The following RANBP2 variants were observed in gnomAD, a reference collection of about 807,000 sequenced individuals.
RANBP2 encodes the protein E3 SUMO-protein ligase RanBP2.
A neutral mutation model predicts 303.6 loss-of-function variants in RANBP2; 57 were observed. The observed-to-expected ratio is 0.19, with a 90% CI of 0.15 to 0.23. The LOEUF is 0.23. Among genes scored for constraint, RANBP2 ranks in the 10% least tolerant of loss-of-function variants. The probability of loss-of-function intolerance (pLI) is 1.00; values close to 1 mark genes in which losing one functional copy is unlikely to be tolerated. For missense variants in RANBP2, 3,138 were observed against 3,780.8 expected (o/e 0.83, Z 4.46); for synonymous variants, 1,167 against 1,301.5 (o/e 0.90, Z 2.23).
the RANBP2 span, among the ~76,000 whole-genome samples, chr2:109,347,100 A>G: frequency 1.6e-4 from 25 of 152,126 alleles, no homozygotes; most frequent in Non-Finnish European, 3.1e-4. Context: ...CTCAGCTTCA[A>G]CCCCTGGAGC....
chr2:109,490,904 C>T, the RANBP2 span: 185 of 1,515,950 alleles, frequency 1.2e-4, no homozygotes, highest in Middle Eastern at 3.4e-4. Flanking sequence ...TGGCTGCCAT[C>T]CGCCCCGAGC....
chr2:108,786,924 G>T (rs1439285389), downstream of RANBP2: 3 of 1,509,844 alleles, frequency 2.0e-6, no homozygotes, highest in Non-Finnish European at 2.7e-6. Context: ...AGGTGAAGCC[G>T]CCGCCTGAGG....
the RANBP2 span, among the ~76,000 whole-genome samples, chr2:109,291,624 T>C: frequency 1.3e-5 from 2 of 152,178 alleles, no homozygotes; most frequent in East Asian, 1.9e-4. Flanking sequence ...GGTGGGGAAA[T>C]GTGTGGAGGA....
the RANBP2 span, among the ~76,000 whole-genome samples, chr2:109,767,413 C>A: frequency 1.4e-5 from 2 of 140,056 alleles, no homozygotes; most frequent in African/African-American, 5.2e-5. Context: ...ATTACATAAT[C>A]TTTTATGTTT....
chr2:109,358,762 T>G, the RANBP2 span, among the ~76,000 whole-genome samples: 1 of 152,254 alleles, frequency 6.6e-6, no homozygotes, highest in East Asian at 1.9e-4. Flanking sequence ...CAGTATCTTT[T>G]GCAGAGTACA....
At chr2:108,906,799 G>A in the RANBP2 span, among the ~76,000 whole-genome samples, 2 of 152,168 alleles carry the variant, frequency 1.3e-5, no homozygotes, top group African/African-American at 4.8e-5. Context: ...GAAGAGTCCC[G>A]GGGCCATGGC....
chr2:109,248,483 G>T, the RANBP2 span, among the ~76,000 whole-genome samples: 2 of 152,196 alleles, frequency 1.3e-5, no homozygotes, highest in Non-Finnish European at 2.9e-5. Context: ...AGTCATTTAT[G>T]CAGGCCTGCT....
chr2:109,585,213 G>A, the RANBP2 span: 3 of 1,612,708 alleles, frequency 1.9e-6, no homozygotes, highest in African/African-American at 2.7e-5. Context: ...GAGTTCATAT[G>A]TCTGAGCTTT....
the RANBP2 span, among the ~76,000 whole-genome samples, chr2:109,298,675 C>T: frequency 1.3e-3 from 191 of 152,226 alleles, no homozygotes; most frequent in Non-Finnish European, 2.3e-3. Flanking sequence ...GCCAGGCCTT[C>T]CCTGGCTCCT....
At position 108,762,188 on chromosome 2, in the gene RANBP2, C is replaced by T. The variant is rs1186314536; in HGVS notation, c.2690C>T (p.Pro897Leu). The T allele has an allele frequency of 6.3e-7, 1 of 1,586,498 alleles. No homozygotes were observed. The highest frequency in any genetic ancestry group is 2.2e-5 in the East Asian group (1 of 44,554). ...CTCAGACCAGCAGCTAATGTTACTC[C>T]CACAAAGGTAACAAAGGAATAATTT... is the stretch of plus-strand genomic sequence containing the variant. ...YLLRPAANVT[P>L]TKGPVYGMNR... Residue 897 changes from proline to leucine, a missense_variant, in exon 19 of 29, where the codon CCC (proline) becomes CTC (leucine). Physicochemically the swap from Pro to Leu is moderately conservative, Grantham distance 98 (BLOSUM62 -3). Transcript: ENST00000283195.
At chr2:109,716,547 G>A in the RANBP2 span, among the ~76,000 whole-genome samples, 1 of 151,314 alleles carries the variant, frequency 6.6e-6, no homozygotes, top group Admixed American at 6.6e-5. Flanking sequence ...ACCGCACCCA[G>A]CCTTATTTTA....
At chr2:109,306,789 C>T in the RANBP2 span, among the ~76,000 whole-genome samples, 1 of 152,196 alleles carries the variant, frequency 6.6e-6, no homozygotes, top group East Asian at 1.9e-4. Flanking sequence ...CTACAGGGAC[C>T]TTTGATAGAC....
chr2:109,195,553 C>T, the RANBP2 span, among the ~76,000 whole-genome samples: 4 of 152,238 alleles, frequency 2.6e-5, no homozygotes, highest in Non-Finnish European at 4.4e-5. Context: ...TTCCCATTTG[C>T]ACCTAACCCT....
chr2:109,547,118 C>T, the RANBP2 span, among the ~76,000 whole-genome samples: 150 of 152,266 alleles, frequency 9.9e-4, no homozygotes, highest in African/African-American at 3.6e-3. Flanking sequence ...CCTTTTGGGC[C>T]TGGAGACTGG....
At chr2:109,374,169 G>A in the RANBP2 span, among the ~76,000 whole-genome samples, 1 of 152,106 alleles carries the variant, frequency 6.6e-6, no homozygotes, top group East Asian at 1.9e-4. Flanking sequence ...CCACCCACCT[G>A]GATAGGAAGC....
the RANBP2 span, among the ~76,000 whole-genome samples, chr2:109,473,686 T>C: frequency 2.0e-5 from 3 of 152,006 alleles, no homozygotes; most frequent in Non-Finnish European, 4.4e-5. Context: ...CAGCGTGCCA[T>C]GTCCTGCTGC....
intron 23 of RANBP2, 55 bp downstream of exon 23, chr2:108,773,101 G>A: frequency 6.7e-7 from 1 of 1,494,578 alleles, no homozygotes; most frequent in Non-Finnish European, 9.2e-7. Context: ...TGTTGATGCA[G>A]TAAACTTTAG....
chr2:109,585,617 T>C, the RANBP2 span: 4 of 864,656 alleles, frequency 4.6e-6, no homozygotes, highest in South Asian at 4.6e-5. Flanking sequence ...CCTGGGATCA[T>C]GATTTCAAAT....
chr2:109,237,537 A>G, the RANBP2 span, among the ~76,000 whole-genome samples: 4 of 152,196 alleles, frequency 2.6e-5, no homozygotes, highest in Non-Finnish European at 1.5e-5. Flanking sequence ...GGCCCAGGGA[A>G]TGGCTTTGAA....
Sources: gnomAD v4.1 joint callset for allele counts (sites outside exome capture counted in the v4.1 genomes callset) on GRCh38, gnomAD v4.1.1 for gene constraint, MANE v1.5 for transcripts, NCBI Gene and HGNC (gene_info 2026-07-23, HGNC 2026-07-21) for gene names.